Variants in DNAH5 observed in about 807,000 individuals in gnomAD.
The protein encoded by DNAH5 is dynein axonemal heavy chain 5, also known as axonemal beta dynein heavy chain 5.
DNAH5 carries 372 observed loss-of-function variants against 518.2 expected under a neutral mutation model. That is an observed-to-expected ratio of 0.72 (90% CI 0.66 to 0.78). DNAH5 has a LOEUF of 0.78. Among genes scored for constraint, DNAH5 ranks in the 30% least tolerant of loss-of-function variants. The probability of loss-of-function intolerance (pLI) is 0.00; values close to 1 mark genes in which losing one functional copy is unlikely to be tolerated. For synonymous variants in DNAH5, 2,039 were observed against 2,025.9 expected, an observed-to-expected ratio of 1.01 and a Z score of -0.17; for missense variants, 5,523 against 5,687.0, an observed-to-expected ratio of 0.97 and a Z score of 0.93.
intron 28 of DNAH5, among the ~76,000 whole-genome samples, chr5:13,863,101 T>C (rs1199382157): frequency 6.6e-6 from 1 of 152,166 alleles, no homozygotes; most frequent in Non-Finnish European, 1.5e-5. Flanking sequence ...GATCTACCTC[T>C]AAAGTCAAGT....
Position 13,814,605 on chromosome 5 carries a change from C to T in DNAH5, c.7230G>A (p.Glu2410=). 1 of 1,613,656 alleles carries T rather than the reference C, an allele frequency of 6.2e-7. No homozygotes were observed. The highest frequency in any genetic ancestry group is 8.5e-7 in the Non-Finnish European group (1 of 1,179,638). Residue 2410 remains glutamate (E), a splice_region_variant and synonymous_variant, in exon 43 of 79, where the codon GAG becomes GAA. Transcript: ENST00000265104. Reference sequence around the variant, plus strand: ...ATACAAAAGAAGGATTCAATTATACCTCAAGAATAGGACTCCAATCAAGGA... The same window carrying T: ...ATACAAAAGAAGGATTCAATTATACTTCAAGAATAGGACTCCAATCAAGGA... ...SSILDWSPIL[E]GFLKKRSPQE... is the part of the protein sequence containing the mutation.
intron 76 of DNAH5, among the ~76,000 whole-genome samples, chr5:13,703,427 GA>G (rs1471050828): frequency 1.3e-5 from 2 of 152,134 alleles, no homozygotes; most frequent in Admixed American, 6.5e-5. Context: ...GACATGATTT[GA>G]ACCTGGGTAT....
intron 43 of DNAH5, among the ~76,000 whole-genome samples, chr5:13,813,233 T>G (rs1760945930): frequency 6.6e-6 from 1 of 152,212 alleles, no homozygotes. Flanking sequence ...AAGGTCTTAT[T>G]CAGTCTCAGT....
At chr5:13,693,893 T>A (rs539347107) in intron 78 of DNAH5, among the ~76,000 whole-genome samples, 6 of 152,352 alleles carry the variant, frequency 3.9e-5, no homozygotes, top group Non-Finnish European at 8.8e-5. Flanking sequence ...TTTCTATGCA[T>A]ATATCACTAG....
At chr5:13,812,274 A>C (rs1345155384) in intron 43 of DNAH5, among the ~76,000 whole-genome samples, 1 of 152,224 alleles carries the variant, frequency 6.6e-6, no homozygotes, top group Non-Finnish European at 1.5e-5. Flanking sequence ...AAAGTAAAGA[A>C]TAAAAGATGA....
Position 13,883,103 on chromosome 5 carries a change from A to C in DNAH5, c.2984-9T>G. ...AGAGGCACTGTTACTGTCTGAGTTA[A>C]CCCAAAACAAGGAAGAATTCACATT... On this transcript the variant is annotated splice_polypyrimidine_tract_variant and intron_variant, in intron 19 of 78. Transcript: ENST00000265104. The C allele has an allele frequency of 6.2e-7, 1 of 1,613,306 alleles. No individual in the cohort carries two copies. The highest frequency in any genetic ancestry group is 8.5e-7 in the Non-Finnish European group (1 of 1,179,964).
chr5:13,748,017 A>C (rs1479193006), intron 65 of DNAH5, among the ~76,000 whole-genome samples: 2 of 152,196 alleles, frequency 1.3e-5, no homozygotes, highest in African/African-American at 4.8e-5. Context: ...TTTAGGTCTA[A>C]CATTGAAGTC....
chr5:13,926,837 T>G (rs374698289), intron 3 of DNAH5, among the ~76,000 whole-genome samples: 2 of 152,340 alleles, frequency 1.3e-5, no homozygotes, highest in East Asian at 1.9e-4. Context: ...GATCTTTCAT[T>G]TGAGCTTATG....
intron 1 of DNAH5, among the ~76,000 whole-genome samples, chr5:13,949,993 C>G (rs1454857906): frequency 6.6e-6 from 1 of 152,196 alleles, no homozygotes; most frequent in Non-Finnish European, 1.5e-5. Context: ...CAGGTAACTT[C>G]TGGCTCCAAG....
intron 68 of DNAH5, among the ~76,000 whole-genome samples, chr5:13,730,711 T>C (rs913030805): frequency 2.0e-5 from 3 of 151,798 alleles, no homozygotes; most frequent in Non-Finnish European, 4.4e-5. Flanking sequence ...TGTTATTTTT[T>C]TTTTTTTTTG....
At chr5:13,931,031 G>A in intron 2 of DNAH5, 79 bp downstream of exon 2, 4 of 1,606,552 alleles carry the variant, frequency 2.5e-6, no homozygotes, top group Non-Finnish European at 3.4e-6. Context: ...GCACAGCATG[G>A]GATCCTGCCA....
chr5:13,891,641 A>G (rs371744734), intron 16 of DNAH5, among the ~76,000 whole-genome samples: 4 of 152,126 alleles, frequency 2.6e-5, no homozygotes, highest in East Asian at 3.9e-4. Context: ...CGGATTGTCT[A>G]CCCATGTGTC....
intron 75 of DNAH5, among the ~76,000 whole-genome samples, chr5:13,712,899 T>C (rs961604759): frequency 4.6e-5 from 7 of 152,204 alleles, no homozygotes; most frequent in African/African-American, 1.7e-4. Context: ...ACAGCCACTA[T>C]GGAAAACAGT....
At chr5:13,985,107 G>T (rs1177185455) in intron 1 of DNAH5, among the ~76,000 whole-genome samples, 1 of 152,154 alleles carries the variant, frequency 6.6e-6, no homozygotes, top group African/African-American at 2.4e-5. Context: ...CATAAAAAAT[G>T]ATGAGTTCGT....
chr5:13,709,905 T>C (rs1425390536), intron 75 of DNAH5, among the ~76,000 whole-genome samples: 1 of 152,142 alleles, frequency 6.6e-6, no homozygotes, highest in Admixed American at 6.5e-5. Flanking sequence ...AAACGGCATA[T>C]AATCTTGGGA....
intron 78 of DNAH5, among the ~76,000 whole-genome samples, chr5:13,696,844 A>G (rs1741456668): frequency 6.6e-6 from 1 of 152,218 alleles, no homozygotes; most frequent in Non-Finnish European, 1.5e-5. Context: ...TTTTCTTTTA[A>G]TACTTTGAAA....
At chr5:13,869,435 G>A (rs1009841050) in intron 24 of DNAH5, among the ~76,000 whole-genome samples, 4 of 151,956 alleles carry the variant, frequency 2.6e-5, no homozygotes, top group East Asian at 1.9e-4. Context: ...CTGACCCCAC[G>A]GTGCCTCCAT....
intron 30 of DNAH5, among the ~76,000 whole-genome samples, chr5:13,854,152 C>G (rs907871138): frequency 2.0e-5 from 3 of 152,108 alleles, no homozygotes; most frequent in Non-Finnish European, 2.9e-5. Flanking sequence ...AAAGGGAAGC[C>G]CATTAGACTA....
intron 11 of DNAH5, 73 bp from the exon 12 acceptor site, chr5:13,911,566 T>G: frequency 1.7e-6 from 2 of 1,171,332 alleles, no homozygotes; most frequent in Non-Finnish European, 2.5e-6. Flanking sequence ...GACCCTTAAA[T>G]GTAGAGCCTA....
Sources: gnomAD v4.1 joint callset for allele counts (sites outside exome capture counted in the v4.1 genomes callset) on GRCh38, gnomAD v4.1.1 for gene constraint, MANE v1.5 for transcripts, NCBI Gene and HGNC (gene_info 2026-07-23, HGNC 2026-07-21) for gene names.